GLMN: variants seen among roughly 807,000 people sequenced by gnomAD.
GLMN encodes the protein glomulin, FKBP associated protein.
GLMN carries 75 observed loss-of-function variants against 87.8 expected under a neutral mutation model. That is an observed-to-expected ratio of 0.85 (90% CI 0.71 to 1.04). GLMN has a LOEUF of 1.04. GLMN is among the 50% of genes least tolerant of loss of function. The pLI, the probability that GLMN is intolerant of heterozygous loss-of-function variation, is 0.00. For missense variants in GLMN, 588 were observed against 658.8 expected (o/e 0.89, Z 1.18); for synonymous variants, 206 against 221.6 (o/e 0.93, Z 0.63).
the GLMN span, among the ~76,000 whole-genome samples, chr1:92,328,868 A>G: frequency 6.6e-6 from 1 of 152,116 alleles, no homozygotes; most frequent in Non-Finnish European, 1.5e-5. Context: ...TCCTTCCCCT[A>G]GGGATGGGGC....
At chr1:92,368,383 AAAG>A in the GLMN span, among the ~76,000 whole-genome samples, 2 of 152,294 alleles carry the variant, frequency 1.3e-5, no homozygotes, top group South Asian at 2.1e-4. Context: ...TGTCTCAAAA[AAAG>A]AAAAAAATCC....
At chr1:92,323,810 C>G in the GLMN span, 96 of 1,613,948 alleles carry the variant, frequency 5.9e-5, 1 homozygote, top group Middle Eastern at 1.6e-4. Context: ...AAAGTAAATA[C>G]TCAGAGTTCT....
chr1:92,305,079 G>A, the GLMN span, among the ~76,000 whole-genome samples: 3 of 151,760 alleles, frequency 2.0e-5, no homozygotes, highest in Admixed American at 6.6e-5. Context: ...AGGTTACAGT[G>A]AGCCGAGATC....
chr1:92,284,416 A>C (rs1240643733), intron 7 of GLMN, among the ~76,000 whole-genome samples: 1 of 152,246 alleles, frequency 6.6e-6, no homozygotes, highest in African/African-American at 2.4e-5. Context: ...CTGGCTAGCC[A>C]TATGTAGAAA....
chr1:92,283,994 T>G (rs1007755179), intron 7 of GLMN, among the ~76,000 whole-genome samples: 2 of 152,164 alleles, frequency 1.3e-5, no homozygotes, highest in Non-Finnish European at 2.9e-5. Context: ...TGGAAGAACA[T>G]TCCATGCTCA....
chr1:92,365,780 T>C, the GLMN span, among the ~76,000 whole-genome samples: 3 of 152,134 alleles, frequency 2.0e-5, no homozygotes, highest in East Asian at 1.9e-4. Flanking sequence ...TCTTTGAAAA[T>C]TGTAAGATCT....
the GLMN span, chr1:92,304,313 CA>C: frequency 6.6e-7 from 1 of 1,513,384 alleles, no homozygotes; most frequent in Non-Finnish European, 9.1e-7. Flanking sequence ...AAATTTCTAC[CA>C]AAACCAATAA....
At chr1:92,247,173 A>G (rs1317918697) in intron 17 of GLMN, 29 bp from the exon 18 acceptor site, 1 of 1,035,684 alleles carries the variant, frequency 9.7e-7, no homozygotes, top group South Asian at 1.3e-5. Flanking sequence ...CATGTGTGAC[A>G]CTTAACTCTC....
rs539954781 is a variant in GLMN at position 92,267,178 on chromosome 1, G to A, written c.1099-437C>T. Among the ~76,000 whole-genome samples, 10 of 152,194 alleles carry A rather than the reference G, an allele frequency of 6.6e-5. No homozygotes were observed. In the South Asian group the frequency reaches 1.7e-3, roughly 25 times the overall value. ...GAGGATTGGGCAAAATAAACCATAGGAGGGAAAAACACAATGTGTATTAGT... is the reference window on the plus strand; with the variant it reads ...GAGGATTGGGCAAAATAAACCATAGAAGGGAAAAACACAATGTGTATTAGT... On this transcript the variant is annotated intron_variant, in intron 11 of 18. Coordinates refer to ENST00000370360, the MANE Select transcript of GLMN (RefSeq NM_053274.3).
chr1:92,274,709 C>T (rs916895945), intron 7 of GLMN, among the ~76,000 whole-genome samples: 4 of 152,186 alleles, frequency 2.6e-5, no homozygotes, highest in African/African-American at 9.7e-5. Context: ...CATTTCAGTA[C>T]CTAATCCCAT....
chr1:92,349,129 C>T, the GLMN span, among the ~76,000 whole-genome samples: 2 of 152,170 alleles, frequency 1.3e-5, no homozygotes, highest in African/African-American at 4.8e-5. Flanking sequence ...ATTTTCACAT[C>T]TACTCTCAAA....
At chr1:92,307,626 G>A in the GLMN span, among the ~76,000 whole-genome samples, 1 of 152,078 alleles carries the variant, frequency 6.6e-6, no homozygotes, top group African/African-American at 2.4e-5. Context: ...TAGGATCCAG[G>A]TGAACTCTGC....
chr1:92,253,994 C>A (rs1653888728), intron 16 of GLMN, among the ~76,000 whole-genome samples: 1 of 152,080 alleles, frequency 6.6e-6, no homozygotes, highest in Non-Finnish European at 1.5e-5. Flanking sequence ...ATGTTCTAAC[C>A]CAATGCAAGG....
chr1:92,266,632 A>AAAT, intron 12 of GLMN, 68 bp downstream of exon 12: 1 of 1,293,384 alleles, frequency 7.7e-7, no homozygotes, highest in Non-Finnish European at 1.1e-6. Flanking sequence ...TTTAAAAAGA[A>AAAT]AATTAAATTA....
the GLMN span, among the ~76,000 whole-genome samples, chr1:92,353,310 C>CAAAGT: frequency 1.2e-4 from 18 of 152,134 alleles, no homozygotes; most frequent in Non-Finnish European, 1.6e-4. Flanking sequence ...TTTCCACTAG[C>CAAAGT]AAAGTATGAG....
upstream of GLMN, chr1:92,299,086 G>C: frequency 6.6e-7 from 1 of 1,515,074 alleles, no homozygotes; most frequent in Non-Finnish European, 8.9e-7. Flanking sequence ...GGCGGACTTC[G>C]CTGGGCCGTC....
At chr1:92,319,632 C>G in the GLMN span, among the ~76,000 whole-genome samples, 1 of 152,112 alleles carries the variant, frequency 6.6e-6, no homozygotes, top group Non-Finnish European at 1.5e-5. Context: ...TAAAGGAAAT[C>G]CAACAATTAT....
the GLMN span, among the ~76,000 whole-genome samples, chr1:92,357,594 T>G: frequency 6.6e-6 from 1 of 152,196 alleles, no homozygotes; most frequent in Non-Finnish European, 1.5e-5. Context: ...TGCAGTGACA[T>G]GATCTTGGCT....
the GLMN span, among the ~76,000 whole-genome samples, chr1:92,359,553 C>A: frequency 6.6e-6 from 1 of 152,194 alleles, no homozygotes; most frequent in Non-Finnish European, 1.5e-5. Context: ...CTTCTGACCT[C>A]AGATGATTCA....
Sources: allele counts gnomAD v4.1 joint callset (sites outside exome capture counted in the v4.1 genomes callset), GRCh38; gene constraint gnomAD v4.1.1; transcripts MANE v1.5; gene names NCBI Gene and HGNC (gene_info 2026-07-23, HGNC 2026-07-21).